GALM: variants seen among roughly 807,000 people sequenced by gnomAD.
GALM encodes aldose 1-epimerase.
GALM carries 43 observed loss-of-function variants against 37.4 expected under a neutral mutation model. The ratio of observed to expected loss-of-function variants is 1.15; its 90% CI spans 0.90 to 1.48. The LOEUF is 1.48. Among genes scored for constraint, GALM ranks in the 40% most tolerant of loss-of-function variants. The pLI is 0.00. For synonymous variants in GALM, 199 were observed against 170.6 expected (o/e 1.17, Z -1.30); for missense variants, 456 against 419.1 (o/e 1.09, Z -0.77).
chr2:38,710,143 A>G (rs1666118589), intron 4 of GALM, among the ~76,000 whole-genome samples: 1 of 152,242 alleles, frequency 6.6e-6, no homozygotes, highest in Non-Finnish European at 1.5e-5. Context: ...ATGTGCACAC[A>G]GATCACCTGT....
intron 4 of GALM, among the ~76,000 whole-genome samples, chr2:38,727,250 T>A (rs1666505560): frequency 1.3e-5 from 2 of 151,098 alleles, no homozygotes; most frequent in Non-Finnish European, 2.9e-5. Context: ...AAGGAATCCT[T>A]TGTGCACTTC....
chr2:38,698,516 A>G (rs1394657527), intron 4 of GALM: 3 of 656,852 alleles, frequency 4.6e-6, no homozygotes, highest in Non-Finnish European at 6.7e-6. Flanking sequence ...AGCTACTTAA[A>G]AAAAAAAAAA....
intron 4 of GALM, among the ~76,000 whole-genome samples, chr2:38,695,970 A>G (rs1665795750): frequency 6.6e-6 from 1 of 151,992 alleles, no homozygotes; most frequent in African/African-American, 2.4e-5. Context: ...AAGTGCTGGG[A>G]TTACAGGTGT....
chr2:38,709,114 G>A (rs1366207542), intron 4 of GALM, among the ~76,000 whole-genome samples: 2 of 151,974 alleles, frequency 1.3e-5, no homozygotes, highest in Admixed American at 1.3e-4. Context: ...CCTAGACAGT[G>A]GGCCTAGACA....
chr2:38,723,437 A>T (rs1297582155), intron 4 of GALM, among the ~76,000 whole-genome samples: 1 of 152,152 alleles, frequency 6.6e-6, no homozygotes, highest in Non-Finnish European at 1.5e-5. Flanking sequence ...CAGCTCCCAG[A>T]AGTTTCTTTA....
At chr2:38,686,390 C>G (rs998581594) in intron 3 of GALM, among the ~76,000 whole-genome samples, 2 of 151,668 alleles carry the variant, frequency 1.3e-5, no homozygotes, top group Admixed American at 6.6e-5. Context: ...CTCAGCCTCC[C>G]GAGTAGCTGG....
At chr2:38,678,208 G>A (rs914441573) in intron 2 of GALM, among the ~76,000 whole-genome samples, 7 of 151,954 alleles carry the variant, frequency 4.6e-5, no homozygotes, top group South Asian at 2.1e-4. Flanking sequence ...TAGAGACAGG[G>A]TTTGTTGGTC....
rs192484082 is a variant in GALM at position 38,718,796 on chromosome 2, C to G, written c.635-10760C>G. On this transcript the variant is annotated intron_variant, in intron 4 of 6. Transcript: ENST00000272252. ...CAAGAGTCAACGACTCTTACAGCAT[C>G]ATTACCGTCTGTTCCTCTTCTCAGA... 2.6e-4 allele frequency among the ~76,000 whole-genome samples: 40 copies of G among 151,928 alleles called. 1 individual carries two copies. The East Asian group carries it at 6.1e-3, about 23-fold the overall frequency.
intron 2 of GALM, among the ~76,000 whole-genome samples, chr2:38,678,369 C>A (rs1572513536): frequency 6.6e-6 from 1 of 152,014 alleles, no homozygotes; most frequent in East Asian, 1.9e-4. Flanking sequence ...ATAAGAAGAT[C>A]TAGAGCTGCA....
intron 3 of GALM, among the ~76,000 whole-genome samples, chr2:38,684,996 G>T (rs554871437): frequency 6.6e-6 from 1 of 152,024 alleles, no homozygotes; most frequent in Non-Finnish European, 1.5e-5. Flanking sequence ...TTGTCTTCAG[G>T]CTTGTCCCCT....
At chr2:38,720,918 A>G (rs181892882) in intron 4 of GALM, among the ~76,000 whole-genome samples, 25 of 152,344 alleles carry the variant, frequency 1.6e-4, no homozygotes, top group African/African-American at 6.0e-4. Context: ...CAGAAATCAC[A>G]CAGCATTACT....
At chr2:38,709,416 C>T (rs13382910) in intron 4 of GALM, among the ~76,000 whole-genome samples, 1 of 152,042 alleles carries the variant, frequency 6.6e-6, no homozygotes. Flanking sequence ...AACCATGAAG[C>T]GTAAAATTGC....
At position 38,681,458 on chromosome 2, in the gene GALM, A is replaced by C; in HGVS notation, c.524A>C (p.Asn175Thr). Reference sequence around the variant, plus strand: ...CAGGCCACACCAGTCAACCTGACCAACCATTCTTACTTCAACCTGGCAGGC... The same window carrying C: ...CAGGCCACACCAGTCAACCTGACCACCCATTCTTACTTCAACCTGGCAGGC... ...ASQATPVNLT[N>T]HSYFNLAGQA... The change falls in exon 3 of 7, where the codon AAC (asparagine) becomes ACC (threonine). Residue 175 changes from asparagine to threonine, a missense_variant. Coordinates refer to ENST00000272252, the MANE Select transcript of GALM (RefSeq NM_138801.3). The C allele has an allele frequency of 6.2e-7, 1 of 1,614,160 alleles. No homozygotes were observed. The highest frequency in any genetic ancestry group is 8.5e-7 in the Non-Finnish European group (1 of 1,180,002).
intron 3 of GALM, among the ~76,000 whole-genome samples, chr2:38,683,791 T>C (rs541446155): frequency 6.6e-6 from 1 of 152,214 alleles, no homozygotes; most frequent in African/African-American, 2.4e-5. Flanking sequence ...GGTCTCGAAC[T>C]CCTGACCTCG....
intron 4 of GALM, among the ~76,000 whole-genome samples, chr2:38,713,651 C>G (rs1171193274): frequency 6.6e-6 from 1 of 152,090 alleles, no homozygotes; most frequent in Non-Finnish European, 1.5e-5. Context: ...CATTTGTAAT[C>G]CCAGCACTTT....
At chr2:38,721,665 C>G (rs1047149321) in intron 4 of GALM, among the ~76,000 whole-genome samples, 8 of 152,182 alleles carry the variant, frequency 5.3e-5, no homozygotes, top group South Asian at 2.1e-4. Context: ...AGGTGTGCAC[C>G]ATACCACACC....
chr2:38,730,458 G>A (rs970991286), intron 5 of GALM, among the ~76,000 whole-genome samples: 4 of 151,932 alleles, frequency 2.6e-5, no homozygotes, highest in Non-Finnish European at 5.9e-5. Flanking sequence ...GTAGAGATGG[G>A]GTTTCACAAT....
At chr2:38,723,625 C>CA (rs1041228508) in intron 4 of GALM, among the ~76,000 whole-genome samples, 3 of 151,782 alleles carry the variant, frequency 2.0e-5, no homozygotes, top group Admixed American at 6.6e-5. Context: ...CTCATCTCTA[C>CA]AAAAAAATTT....
chr2:38,667,700 G>A (rs1180762829), intron 1 of GALM, among the ~76,000 whole-genome samples: 1 of 151,930 alleles, frequency 6.6e-6, no homozygotes, highest in Admixed American at 6.6e-5. Context: ...TGGCCAGGCT[G>A]CTGGCGGGCA....
Sources: allele counts gnomAD v4.1 joint callset (sites outside exome capture counted in the v4.1 genomes callset), GRCh38; gene constraint gnomAD v4.1.1; transcripts MANE v1.5; gene names NCBI Gene and HGNC (gene_info 2026-07-23, HGNC 2026-07-21).